KIF13A: variants seen among roughly 807,000 people sequenced by gnomAD.
The protein encoded by KIF13A is kinesin-like protein KIF13A.
A neutral mutation model predicts 212.2 loss-of-function variants in KIF13A; 79 were observed. The observed-to-expected ratio is 0.37, with a 90% CI of 0.31 to 0.45. The LOEUF is 0.45. Among genes scored for constraint, KIF13A ranks in the 20% least tolerant of loss-of-function variants. The pLI is 1.00. For synonymous variants in KIF13A, 789 were observed against 808.6 expected, an observed-to-expected ratio of 0.98 and a Z score of 0.41; for missense variants, 1,901 against 2,209.0, an observed-to-expected ratio of 0.86 and a Z score of 2.79.
chr6:17,827,098 T>A (rs1402618678), intron 14 of KIF13A, among the ~76,000 whole-genome samples: 1 of 151,658 alleles, frequency 6.6e-6, no homozygotes, highest in Non-Finnish European at 1.5e-5. Flanking sequence ...AATAAAATAA[T>A]TTTTTTTCTT....
rs1333714550 is a variant in KIF13A, at chr6:17,855,021, T to C, written c.494+416A>G. 6.6e-6 allele frequency among the ~76,000 whole-genome samples: 1 copy of C among 152,176 alleles called. No individual in the cohort carries two copies. Among genetic ancestry groups the C allele is most frequent in the Non-Finnish European group, 1.5e-5 (1 of 68,024 alleles). On this transcript the variant is annotated intron_variant, in intron 6 of 38. Transcript: ENST00000259711. This position sits in a 1 kb window ranked among gnomAD's most constrained non-coding sequence, Gnocchi z 4.1. The stretch of plus-strand genomic sequence containing the variant: ...ATCAGGCAAGTGGATGCTTAAAACG[T>C]TCCCCACATGATTCCAATGCACAGC...
chr6:17,805,370 C>CGTGTGTGTGTGT (rs59526903), intron 19 of KIF13A, 105 bp downstream of exon 19: 802 of 738,072 alleles, frequency 1.1e-3, no homozygotes, highest in East Asian at 2.7e-3. Flanking sequence ...AGCACATCTC[C>CGTGTGTGTGTGT]GTGTGTGTGT....
chr6:17,867,136 C>G (rs1339168209), intron 4 of KIF13A, among the ~76,000 whole-genome samples: 1 of 151,938 alleles, frequency 6.6e-6, no homozygotes, highest in Non-Finnish European at 1.5e-5. Flanking sequence ...CTAAACTGTT[C>G]TATGTCAGTT....
In KIF13A at chr6:17,876,623, GCATTCATTCATT is replaced by G. The variant is rs56349524; in HGVS notation, c.160-3198_160-3187del. Among the ~76,000 whole-genome samples, 3 of 150,646 alleles carry G rather than the reference GCATTCATTCATT, an allele frequency of 2.0e-5. No homozygotes were observed. In the East Asian group the frequency reaches 5.9e-4, roughly 30 times the overall value. ...GTATATGATCTGTGTGTGTGAGACA[GCATTCATTCATT>G]CATTCATTCATTCATTCATTCAGAG... On this transcript the variant is annotated intron_variant, in intron 3 of 38. Transcript: ENST00000259711.
At chr6:17,831,355 C>T (rs1703791415) in intron 12 of KIF13A, 120 bp from the exon 13 acceptor site, 1 of 1,092,440 alleles carries the variant, frequency 9.2e-7, no homozygotes, top group Admixed American at 2.5e-5. Context: ...ACACATGCTA[C>T]TCTGCTCAAC....
intron 3 of KIF13A, among the ~76,000 whole-genome samples, chr6:17,889,089 G>C (rs1771806058): frequency 1.3e-5 from 2 of 152,116 alleles, no homozygotes; most frequent in South Asian, 4.1e-4. Context: ...CAAAACAGTA[G>C]AGGCAACAGA....
Position 17,811,910 on chromosome 6 carries a change from G to A in KIF13A, c.2001-2980C>T. ...GTGTTGCCCAGGCTGCAGTGCAGTG[G>A]CTATTCAGAGGCATGATCACAGTGC... On this transcript the variant is annotated intron_variant, in intron 17 of 38. Coordinates refer to ENST00000259711, the MANE Select transcript of KIF13A (RefSeq NM_022113.6). The surrounding 1 kb of genome is among the most constrained non-coding windows in gnomAD (Gnocchi z 6.0). 2 of 151,406 alleles carry A rather than the reference G, an allele frequency of 1.3e-5. 1 individual carries two copies. The highest frequency in any genetic ancestry group is 3.9e-4 in the East Asian group (2 of 5,154). 9.4% of individuals were successfully genotyped at this position (151,406 alleles called of 1,614,324 possible). A position where few individuals can be genotyped will look rare whatever the true frequency, so the allele number is the denominator to read the frequency against.
rs1186275306 is a variant in KIF13A, at chr6:17,897,959, G to T, written c.159+209C>A. ...AGATTACAGCATTCATTCTGAGAAT[G>T]AAATAATATGTGAAAGTGCTCTGTC... On this transcript the variant is annotated intron_variant, in intron 3 of 38. Coordinates refer to ENST00000259711, the MANE Select transcript of KIF13A (RefSeq NM_022113.6). This position sits in a 1 kb window ranked among gnomAD's most constrained non-coding sequence, Gnocchi z 4.8. 6.6e-6 allele frequency among the ~76,000 whole-genome samples: 1 copy of T among 152,216 alleles called. No individual in the cohort carries two copies.
chr6:17,815,924 T>G (rs1763895161), intron 17 of KIF13A, among the ~76,000 whole-genome samples: 1 of 134,552 alleles, frequency 7.4e-6, no homozygotes, highest in Admixed American at 7.7e-5. Context: ...TTTTTTTTTT[T>G]GAGACAAAGT....
chr6:17,802,096 G>A (rs1208330023), intron 20 of KIF13A, among the ~76,000 whole-genome samples: 4 of 152,142 alleles, frequency 2.6e-5, no homozygotes, highest in Admixed American at 2.6e-4. Context: ...TGTTCTGGTA[G>A]TACTGCTATC....
chr6:17,986,562 A>G (rs1364614520), intron 2 of KIF13A, among the ~76,000 whole-genome samples: 6 of 152,272 alleles, frequency 3.9e-5, no homozygotes, highest in African/African-American at 1.4e-4. Context: ...CTGAGTCTAC[A>G]TCGTACAAGA....
chr6:17,973,933 G>A (rs1780042649), intron 2 of KIF13A, among the ~76,000 whole-genome samples: 2 of 152,162 alleles, frequency 1.3e-5, no homozygotes, highest in Non-Finnish European at 2.9e-5. Flanking sequence ...CTAACAAGTT[G>A]GTATCAGGTG....
chr6:17,841,315 T>C (rs1766484265), intron 9 of KIF13A, among the ~76,000 whole-genome samples: 1 of 152,160 alleles, frequency 6.6e-6, no homozygotes, highest in Non-Finnish European at 1.5e-5. Context: ...TCCTCCTGCC[T>C]TGGCCTCCCA....
chr6:17,870,085 GATT>G (rs1769862492), intron 4 of KIF13A, among the ~76,000 whole-genome samples: 1 of 152,180 alleles, frequency 6.6e-6, no homozygotes, highest in South Asian at 2.1e-4. Context: ...TTACTAGGCA[GATT>G]ATTTACAATA....
At chr6:17,893,879 G>A (rs1250461354) in intron 3 of KIF13A, among the ~76,000 whole-genome samples, 5 of 120,334 alleles carry the variant, frequency 4.2e-5, no homozygotes, top group African/African-American at 9.6e-5. Context: ...TTGCTCTGTC[G>A]CCCAGGCTGG....
rs1405895344 is a variant in KIF13A at position 17,780,033 on chromosome 6, A to G, written c.3847-349T>C. Among the ~76,000 whole-genome samples, 6 of 152,170 alleles carry G rather than the reference A, an allele frequency of 3.9e-5. 1 individual carries two copies. The highest frequency in any genetic ancestry group is 8.8e-5 in the Non-Finnish European group (6 of 68,032). ...AGTGCTGGGACTACAGGCGTGAGCC[A>G]CCGCGCCCAGCCAGTTATTTTGTAT... On this transcript the variant is annotated intron_variant, in intron 31 of 38. Transcript: ENST00000259711.
intron 2 of KIF13A, among the ~76,000 whole-genome samples, chr6:17,975,115 G>A (rs747446512): frequency 6.6e-6 from 1 of 152,138 alleles, no homozygotes; most frequent in South Asian, 2.1e-4. Flanking sequence ...AGAAAGAGGA[G>A]GGCAGATCAT....
intron 17 of KIF13A, chr6:17,815,520 G>T: frequency 3.1e-6 from 1 of 319,478 alleles, no homozygotes; most frequent in Non-Finnish European, 6.7e-6. Flanking sequence ...ACTAGACCAG[G>T]GAGCCCTCTA....
chr6:17,791,996 G>A (rs1464936336), intron 25 of KIF13A, among the ~76,000 whole-genome samples: 1 of 148,876 alleles, frequency 6.7e-6, no homozygotes, highest in Non-Finnish European at 1.5e-5. Context: ...GAGGTCAGGA[G>A]TTCAAGGCCA....
Sources: allele counts gnomAD v4.1 joint callset (sites outside exome capture counted in the v4.1 genomes callset), GRCh38; gene constraint gnomAD v4.1.1; non-coding constraint Gnocchi (gnomAD v3.1); transcripts MANE v1.5; gene names NCBI Gene and HGNC (gene_info 2026-07-23, HGNC 2026-07-21).